The following DHRSX variants were observed in gnomAD, a reference collection of about 807,000 sequenced individuals.
DHRSX encodes polyprenol dehydrogenase.
In DHRSX, 31 loss-of-function variants were observed where a neutral mutation model predicts 34.0. The observed-to-expected ratio is 0.91, with a 90% CI of 0.69 to 1.23. DHRSX has a LOEUF of 1.23. Among genes scored for constraint, DHRSX ranks in the 50% most tolerant of loss-of-function variants. The pLI is 0.00. For synonymous variants in DHRSX, 201 were observed against 183.8 expected, an observed-to-expected ratio of 1.09 and a Z score of -0.76; for missense variants, 414 against 428.1, an observed-to-expected ratio of 0.97 and a Z score of 0.29.
chrX:2,286,785 AG>A (rs2041809823), intron 4 of DHRSX, among the ~76,000 whole-genome samples: 1 of 152,180 alleles, frequency 6.6e-6, no homozygotes, highest in Non-Finnish European at 1.5e-5. Context: ...AAAAACCTAT[AG>A]GGAGTCCAGG....
chrX:2,272,907 C>CAGA (rs1280826329), intron 4 of DHRSX, among the ~76,000 whole-genome samples: 1 of 152,200 alleles, frequency 6.6e-6, no homozygotes, highest in Non-Finnish European at 1.5e-5. Context: ...GAACTAAAAG[C>CAGA]AGATCATTTG....
At chrX:2,331,924 C>G (rs183155923) in intron 3 of DHRSX, among the ~76,000 whole-genome samples, 4 of 152,236 alleles carry the variant, frequency 2.6e-5, no homozygotes, top group African/African-American at 9.6e-5. Context: ...CCACCCTGAT[C>G]AGTCCACAGC....
intron 6 of DHRSX, among the ~76,000 whole-genome samples, chrX:2,229,463 G>C (rs1009604006): frequency 1.3e-5 from 2 of 152,026 alleles, no homozygotes; most frequent in East Asian, 3.9e-4. Flanking sequence ...TGTACCTGCT[G>C]CTTGCTCCTT....
intron 5 of DHRSX, among the ~76,000 whole-genome samples, chrX:2,252,421 G>A (rs1290130255): frequency 6.6e-6 from 1 of 152,138 alleles, no homozygotes; most frequent in Non-Finnish European, 1.5e-5. Flanking sequence ...AAGAGTCCAG[G>A]AAACAGATAG....
chrX:2,497,761 A>G (rs1456422432), intron 1 of DHRSX, among the ~76,000 whole-genome samples: 2 of 152,228 alleles, frequency 1.3e-5, no homozygotes, highest in Non-Finnish European at 2.9e-5. Context: ...TTGATGTATC[A>G]GAGAAAATGT....
At chrX:2,357,025 C>G (rs1171364409) in intron 3 of DHRSX, among the ~76,000 whole-genome samples, 14 of 152,070 alleles carry the variant, frequency 9.2e-5, no homozygotes, top group African/African-American at 4.8e-5. Context: ...GGGTGGATCA[C>G]CTGAGGTCAC....
At chrX:2,403,700 C>T (rs1011062066) in intron 3 of DHRSX, among the ~76,000 whole-genome samples, 2 of 151,858 alleles carry the variant, frequency 1.3e-5, no homozygotes, top group Admixed American at 6.6e-5. Flanking sequence ...ACTAAAAATA[C>T]AAAAAATTAG....
At chrX:2,442,132 A>C (rs1343858514) in intron 1 of DHRSX, among the ~76,000 whole-genome samples, 1 of 152,182 alleles carries the variant, frequency 6.6e-6, no homozygotes, top group East Asian at 1.9e-4. Context: ...TATATACTGC[A>C]TTCTTACAGT....
intron 1 of DHRSX, among the ~76,000 whole-genome samples, chrX:2,442,938 T>G (rs902716749): frequency 2.0e-5 from 3 of 152,176 alleles, no homozygotes; most frequent in Admixed American, 1.3e-4. Flanking sequence ...CACATGTCAC[T>G]ATGATAAGAC....
At chrX:2,474,799 CTG>C (rs1160423902) in intron 1 of DHRSX, among the ~76,000 whole-genome samples, 5 of 151,316 alleles carry the variant, frequency 3.3e-5, no homozygotes, top group African/African-American at 7.3e-5. Flanking sequence ...GGCCAAGAGA[CTG>C]CCACCATATA....
intron 6 of DHRSX, among the ~76,000 whole-genome samples, chrX:2,240,460 C>G (rs747177397): frequency 6.6e-6 from 1 of 151,674 alleles, no homozygotes; most frequent in Admixed American, 6.6e-5. Flanking sequence ...GACTTTCAGA[C>G]GAAATCAAGA....
rs1181668738 is a variant in DHRSX at position 2,431,418 on chromosome X, T to C, written c.110-6114A>G. ...GTTTGATTCCATGTCTTTGCTTTTA[T>C]GAATAGTGCTGCGATGAACACACAG... On this transcript the variant is annotated intron_variant, in intron 1 of 6. Transcript: ENST00000334651. Among the ~76,000 whole-genome samples the C allele has an allele frequency of 3.9e-5, 6 of 152,246 alleles. 1 individual carries two copies. Among genetic ancestry groups the C allele is most frequent in the South Asian group, 4.1e-4 (2 of 4,822 alleles).
At chrX:2,292,640 T>G (rs1044796950) in intron 3 of DHRSX, among the ~76,000 whole-genome samples, 1 of 151,958 alleles carries the variant, frequency 6.6e-6, no homozygotes, top group Non-Finnish European at 1.5e-5. Context: ...CTGCTACAGA[T>G]AGTAAGAAGT....
chrX:2,368,787 T>G (rs777576327), intron 3 of DHRSX, among the ~76,000 whole-genome samples: 2 of 151,724 alleles, frequency 1.3e-5, no homozygotes, highest in Admixed American at 1.3e-4. Context: ...GAGGCGGAGG[T>G]TGCAGTGAGC....
chrX:2,441,526 G>A (rs2044062129), intron 1 of DHRSX, among the ~76,000 whole-genome samples: 1 of 152,100 alleles, frequency 6.6e-6, no homozygotes. Flanking sequence ...TGGGGGAGGG[G>A]CAAAACCAAA....
chrX:2,287,101 A>G (rs1292577308), intron 4 of DHRSX, among the ~76,000 whole-genome samples: 1 of 152,220 alleles, frequency 6.6e-6, no homozygotes, highest in Non-Finnish European at 1.5e-5. Context: ...TATGATTTCT[A>G]TGAGGTCAAG....
chrX:2,361,151 G>A (rs1281573482), intron 3 of DHRSX, among the ~76,000 whole-genome samples: 8 of 151,910 alleles, frequency 5.3e-5, no homozygotes, highest in Non-Finnish European at 8.8e-5. Context: ...TCACTCTGTC[G>A]CCAGGCTGGA....
At chrX:2,234,392 C>T (rs896514604) in intron 6 of DHRSX, among the ~76,000 whole-genome samples, 3 of 152,040 alleles carry the variant, frequency 2.0e-5, no homozygotes, top group Non-Finnish European at 2.9e-5. Context: ...ATGCACACAG[C>T]CCTGATCCAT....
At chrX:2,345,649 C>CT (rs1465974191) in intron 3 of DHRSX, among the ~76,000 whole-genome samples, 1 of 93,594 alleles carries the variant, frequency 1.1e-5, no homozygotes, top group Non-Finnish European at 2.3e-5. Flanking sequence ...GAGTGAAACT[C>CT]TGTCTCAAAA....
Sources: gnomAD v4.1 joint callset for allele counts (sites outside exome capture counted in the v4.1 genomes callset) on GRCh38, gnomAD v4.1.1 for gene constraint, MANE v1.5 for transcripts, NCBI Gene and HGNC (gene_info 2026-07-23, HGNC 2026-07-21) for gene names.